FSIP2: variants seen among roughly 807,000 people sequenced by gnomAD.
The protein encoded by FSIP2 is fibrous sheath interacting protein 2.
Under a neutral mutation model 510.5 loss-of-function variants are expected in FSIP2, and 367 were observed. The ratio of observed to expected loss-of-function variants is 0.72; its 90% CI spans 0.66 to 0.78. The LOEUF is 0.78. Ranked by LOEUF, FSIP2 falls within the 30% of genes least tolerant of loss-of-function variation. The probability of loss-of-function intolerance (pLI) is 0.00; values close to 1 mark genes in which losing one functional copy is unlikely to be tolerated. For synonymous variants in FSIP2, 2,601 were observed against 2,732.2 expected, an observed-to-expected ratio of 0.95 and a Z score of 1.50; for missense variants, 7,594 against 7,901.7, an observed-to-expected ratio of 0.96 and a Z score of 1.48.
At chr2:185,799,635 T>C (rs909133268) in intron 16 of FSIP2, 62 bp from the exon 17 acceptor site, 2 of 795,664 alleles carry the variant, frequency 2.5e-6, no homozygotes, top group Non-Finnish European at 3.6e-6. Flanking sequence ...TAATTTCAAA[T>C]ATATTGAATT....
rs1442251252 is a variant in FSIP2 at position 185,794,033 on chromosome 2, T to C, written c.6897T>C (p.Phe2299=). 2 of 1,533,832 alleles carry C rather than the reference T, an allele frequency of 1.3e-6. No homozygotes were observed. The highest frequency in any genetic ancestry group is 1.4e-5 in the African/African-American group (1 of 72,868). The change falls in exon 16 of 23, where the codon TTT becomes TTC. Residue 2299 remains phenylalanine (F), a synonymous_variant. Coordinates refer to ENST00000424728, the MANE Select transcript of FSIP2 (RefSeq NM_173651.4). The stretch of plus-strand genomic sequence containing the variant: ...ATTGTAAACAAAATGACAGCATCTT[T>C]TATGATTCAAGCCAAGTGGAATCAG... ...LENCKQNDSI[F]YDSSQVESDV...
chr2:185,812,766 G>A (rs773622981), intron 17 of FSIP2, among the ~76,000 whole-genome samples: 1 of 152,050 alleles, frequency 6.6e-6, no homozygotes, highest in Non-Finnish European at 1.5e-5. Context: ...TTTTAAAGAG[G>A]TTCTTCTGAT....
At position 185,795,116 on chromosome 2, in the gene FSIP2, TA is replaced by T. The variant is rs763271923; in HGVS notation, c.7983del (p.Ala2662HisfsTer3). 3.3e-6 allele frequency: 5 copies of T among 1,534,848 alleles called. No homozygotes were observed. Among genetic ancestry groups the T allele is most frequent in the Non-Finnish European group, 3.5e-6 (4 of 1,146,174 alleles). ...CTAAGGACAACCCTAAGCCATGCTTTAAAGCACATTTAAAAACAAGATCAAA... is the reference window on the plus strand; with the variant it reads ...CTAAGGACAACCCTAAGCCATGCTTTAAGCACATTTAAAAACAAGATCAAA... ...SPKDNPKPCF[K>X]AHLKTRSKIT... On this transcript the variant is annotated frameshift_variant, in exon 16 of 23. Transcript: ENST00000424728. LOFTEE classifies it high-confidence loss of function.
chr2:185,809,831 C>A (rs1693688575), intron 17 of FSIP2, among the ~76,000 whole-genome samples: 1 of 151,954 alleles, frequency 6.6e-6, no homozygotes, highest in East Asian at 1.9e-4. Context: ...CCCCTGTAAC[C>A]CCATACTCAG....
At chr2:185,741,980 A>G (rs958608669) in intron 2 of FSIP2, among the ~76,000 whole-genome samples, 4 of 152,278 alleles carry the variant, frequency 2.6e-5, no homozygotes, top group Middle Eastern at 3.4e-3. Flanking sequence ...GCCTCTAGAC[A>G]TGTCGGGATT....
In FSIP2 at chr2:185,790,052, C is replaced by G. The variant is rs922730161; in HGVS notation, c.2916C>G (p.Tyr972Ter). 1 of 1,533,494 alleles carries G rather than the reference C, an allele frequency of 6.5e-7. No individual in the cohort carries two copies. The highest frequency in any genetic ancestry group is 8.7e-7 in the Non-Finnish European group (1 of 1,145,284). The allele number at this position is 1,533,494 out of a possible 1,614,324, so 95.0% of individuals were successfully genotyped here. A position where few individuals can be genotyped will look rare whatever the true frequency, so the allele number is the denominator to read the frequency against. The change falls in exon 16 of 23, where the codon TAC becomes TAG. Residue 972 changes from tyrosine to a stop codon, truncating the protein, a stop_gained. Coordinates refer to ENST00000424728, the MANE Select transcript of FSIP2 (RefSeq NM_173651.4). LOFTEE classifies it high-confidence loss of function. ...ISSPSDTKEKYRLTGTRLSNS... is the reference protein window; with the variant it reads ...ISSPSDTKEK ...GTCCTTCTGACACCAAAGAAAAGTA[C>G]AGACTCACTGGCACTAGATTATCAA...
chr2:185,768,609 A>G (rs1692544409), intron 13 of FSIP2, among the ~76,000 whole-genome samples: 1 of 152,084 alleles, frequency 6.6e-6, no homozygotes, highest in African/African-American at 2.4e-5. Flanking sequence ...TTTAATGGGC[A>G]AATAGTTATT....
Position 185,800,580 on chromosome 2 carries a change from G to A in FSIP2, c.11274G>A (p.Glu3758=), listed in dbSNP as rs1047974869. 8 of 1,530,000 alleles carry A rather than the reference G, an allele frequency of 5.2e-6. No individual in the cohort carries two copies. In the African/African-American group the frequency reaches 9.6e-5, roughly 18 times the overall value. 94.8% of individuals were successfully genotyped at this position (1,530,000 alleles called of 1,614,324 possible). A position where few individuals can be genotyped will look rare whatever the true frequency, so the allele number is the denominator to read the frequency against. ...KSVFLLNVVC[E]KLIRILLEEC... Reference sequence around the variant, plus strand: ...TTTTTCTTCTCAATGTTGTATGTGAGAAACTTATCAGAATACTTTTGGAAG... The same window carrying A: ...TTTTTCTTCTCAATGTTGTATGTGAAAAACTTATCAGAATACTTTTGGAAG... The change falls in exon 17 of 23, where the codon GAG becomes GAA. Residue 3758 remains glutamate, a synonymous_variant. Transcript: ENST00000424728.
intron 13 of FSIP2, among the ~76,000 whole-genome samples, chr2:185,782,157 CAT>C (rs1237560232): frequency 1.3e-5 from 2 of 152,128 alleles, no homozygotes; most frequent in Non-Finnish European, 2.9e-5. Flanking sequence ...CACACCAAAA[CAT>C]GTTAAGTACT....
In FSIP2 at chr2:185,804,760, G is replaced by T; in HGVS notation, c.15454G>T (p.Glu5152Ter). 3 of 1,531,120 alleles carry T rather than the reference G, an allele frequency of 2.0e-6. No individual in the cohort carries two copies. Among genetic ancestry groups the T allele is most frequent in the Non-Finnish European group, 2.6e-6 (3 of 1,144,530 alleles). The allele number at this position is 1,531,120 out of a possible 1,614,324, so 94.8% of individuals were successfully genotyped here. A position where few individuals can be genotyped will look rare whatever the true frequency, so the allele number is the denominator to read the frequency against. The part of the protein sequence containing the change: ...KKFPPDDEFV[E>*]AASKLTDEII... Reference sequence around the variant, plus strand: ...GTTTCCACCGGATGATGAATTTGTGGAGGCAGCTTCAAAATTGACTGATGA... The same window carrying T: ...GTTTCCACCGGATGATGAATTTGTGTAGGCAGCTTCAAAATTGACTGATGA... The change falls in exon 17 of 23, where the codon GAG becomes TAG. Residue 5152 changes from glutamate to a stop codon, truncating the protein, a stop_gained. Coordinates refer to ENST00000424728, the MANE Select transcript of FSIP2 (RefSeq NM_173651.4). LOFTEE classifies it high-confidence loss of function.
intron 13 of FSIP2, among the ~76,000 whole-genome samples, chr2:185,780,202 GTA>G (rs1179422283): frequency 1.3e-5 from 2 of 151,480 alleles, no homozygotes; most frequent in Non-Finnish European, 2.9e-5. Context: ...TTTTTCTTTA[GTA>G]TTATTATAAG....
Position 185,792,246 on chromosome 2 carries a change from G to A in FSIP2, c.5110G>A (p.Gly1704Ser). 2.6e-6 allele frequency: 4 copies of A among 1,533,248 alleles called. No individual in the cohort carries two copies. The highest frequency in any genetic ancestry group is 3.5e-6 in the Non-Finnish European group (4 of 1,145,130). The allele number at this position is 1,533,248 out of a possible 1,614,324, so 95.0% of individuals were successfully genotyped here. ...TAATGAAATGGAATCTGAAGGGGGA[G>A]GCATTGAAACTTATCGATACAGGCC... ...MFNEMESEGG[G>S]IETYRYRPTY... Residue 1704 changes from glycine to serine, a missense_variant, in exon 16 of 23, where the codon GGC (glycine) becomes AGC (serine). Transcript: ENST00000424728.
chr2:185,797,776 A>C, intron 16 of FSIP2: 1 of 373,932 alleles, frequency 2.7e-6, no homozygotes, highest in Non-Finnish European at 4.9e-6. Flanking sequence ...GCAGCCTTGA[A>C]CTCCTGGACT....
At chr2:185,767,954 T>C (rs1375306096) in intron 13 of FSIP2, among the ~76,000 whole-genome samples, 4 of 152,188 alleles carry the variant, frequency 2.6e-5, no homozygotes, top group Non-Finnish European at 1.5e-5. Context: ...TACTGTTTTC[T>C]ACAATGTCTG....
Position 185,813,703 on chromosome 2 carries a change from T to C in FSIP2, c.19986T>C (p.Asp6662=), listed in dbSNP as rs189386917. ...AAAATTACATAAAAGAGGAACGAGATTCTGATGAAGATGAAGTTGTTTTAA... is the reference window on the plus strand; with the variant it reads ...AAAATTACATAAAAGAGGAACGAGACTCTGATGAAGATGAAGTTGTTTTAA... The part of the protein sequence containing the change: ...YLENYIKEER[D]SDEDEVVLTQ... The change falls in exon 18 of 23, where the codon GAT becomes GAC. Residue 6662 remains aspartate, a synonymous_variant. Coordinates refer to ENST00000424728, the MANE Select transcript of FSIP2 (RefSeq NM_173651.4). 1 of 1,610,420 alleles carries C rather than the reference T, an allele frequency of 6.2e-7. No individual in the cohort carries two copies. Among genetic ancestry groups the C allele is most frequent in the Admixed American group, 1.7e-5 (1 of 59,600 alleles).
Position 185,794,546 on chromosome 2 carries a change from G to A in FSIP2, c.7410G>A (p.Met2470Ile). The part of the protein sequence containing the change: ...RQIIVLEEIF[M>I]RNGESKNKEK... ...TAATTGTTTTGGAAGAAATATTTAT[G>A]AGAAATGGAGAATCAAAAAACAAAG... The change falls in exon 16 of 23, where the codon ATG becomes ATA. Residue 2470 changes from methionine (M) to isoleucine (I), a missense_variant. By Grantham distance (10) the Met-to-Ile change is conservative. Coordinates refer to ENST00000424728, the MANE Select transcript of FSIP2 (RefSeq NM_173651.4). The A allele has an allele frequency of 6.5e-7, 1 of 1,529,864 alleles. No individual in the cohort carries two copies. Among genetic ancestry groups the A allele is most frequent in the African/African-American group, 1.4e-5 (1 of 72,676 alleles). 94.8% of individuals were successfully genotyped at this position (1,529,864 alleles called of 1,614,324 possible). A position where few individuals can be genotyped will look rare whatever the true frequency, so the allele number is the denominator to read the frequency against.
At chr2:185,822,491 T>C (rs1693941356) in intron 19 of FSIP2, among the ~76,000 whole-genome samples, 1 of 151,900 alleles carries the variant, frequency 6.6e-6, no homozygotes, top group African/African-American at 2.4e-5. Flanking sequence ...TACTTAGGAA[T>C]ACATTTAACC....
At chr2:185,782,900 G>C (rs1366322536) in intron 14 of FSIP2, 138 bp downstream of exon 14, 4 of 622,550 alleles carry the variant, frequency 6.4e-6, no homozygotes, top group Non-Finnish European at 8.5e-6. Flanking sequence ...GTCTTTTGCA[G>C]ACTTTCAGCA....
At position 185,789,786 on chromosome 2, in the gene FSIP2, G is replaced by A. The variant is rs1352901229; in HGVS notation, c.2650G>A (p.Val884Ile). 3 of 1,533,954 alleles carry A rather than the reference G, an allele frequency of 2.0e-6. No homozygotes were observed. Among genetic ancestry groups the A allele is most frequent in the Admixed American group, 3.9e-5 (2 of 50,830 alleles). ...TGAATCTGATGAAGCTAGTTTAATT[G>A]TCAATGAAGAAGTACAAAATTTAAT... ...SLESDEASLI[V>I]NEEVQNLISN... The change falls in exon 16 of 23, where the codon GTC becomes ATC. Residue 884 changes from valine (V) to isoleucine (I), a missense_variant. Transcript: ENST00000424728.
Sources: gnomAD v4.1 joint callset for allele counts (sites outside exome capture counted in the v4.1 genomes callset) on GRCh38, gnomAD v4.1.1 for gene constraint, MANE v1.5 for transcripts, NCBI Gene and HGNC (gene_info 2026-07-23, HGNC 2026-07-21) for gene names.